The following C8orf34 variants were observed in gnomAD, a reference collection of about 807,000 sequenced individuals.
The protein encoded by C8orf34 is chromosome 8 open reading frame 34, also known as uncharacterized protein C8orf34.
A neutral mutation model predicts 68.3 loss-of-function variants in C8orf34; 65 were observed. The ratio of observed to expected loss-of-function variants is 0.95; its 90% CI spans 0.78 to 1.17. The LOEUF is 1.17. C8orf34 is among the 50% of genes most tolerant of loss of function. The pLI is 0.00. For synonymous variants in C8orf34, 244 were observed against 241.2 expected, an observed-to-expected ratio of 1.01 and a Z score of -0.11; for missense variants, 664 against 655.4, an observed-to-expected ratio of 1.01 and a Z score of -0.14.
At chr8:68,670,293 G>GC (rs1291247705) in intron 8 of C8orf34, among the ~76,000 whole-genome samples, 1 of 152,138 alleles carries the variant, frequency 6.6e-6, no homozygotes, top group Non-Finnish European at 1.5e-5. Context: ...TGCAGGGAAG[G>GC]ACTCCCTCTG....
intron 7 of C8orf34, 190 bp downstream of exon 7, chr8:68,533,339 A>G (rs1337121525): frequency 3.7e-6 from 5 of 1,337,184 alleles, no homozygotes; most frequent in Non-Finnish European, 3.8e-6. Flanking sequence ...CCCTAAGCAT[A>G]TGAATATTTA....
intron 1 of C8orf34, among the ~76,000 whole-genome samples, chr8:68,391,190 G>T (rs1808465726): frequency 6.6e-6 from 1 of 152,012 alleles, no homozygotes; most frequent in Admixed American, 6.6e-5. Flanking sequence ...ATGCTCACAT[G>T]GATTCTTTCA....
intron 13 of C8orf34, among the ~76,000 whole-genome samples, chr8:68,817,503 A>G (rs145192839): frequency 1.6e-4 from 25 of 152,296 alleles, no homozygotes; most frequent in African/African-American, 5.5e-4. Flanking sequence ...TGCCACACAC[A>G]AAGCATTACT....
At chr8:68,394,690 A>AT (rs1808618442) in intron 1 of C8orf34, among the ~76,000 whole-genome samples, 1 of 152,122 alleles carries the variant, frequency 6.6e-6, no homozygotes, top group African/African-American at 2.4e-5. Flanking sequence ...TATGGTTTAT[A>AT]ATAAGCACAT....
At chr8:68,545,217 C>T (rs888237806) in intron 7 of C8orf34, among the ~76,000 whole-genome samples, 9 of 152,098 alleles carry the variant, frequency 5.9e-5, no homozygotes, top group African/African-American at 2.2e-4. Context: ...GTGAATAAGT[C>T]TCATGAGAGC....
At chr8:68,661,693 A>G (rs564403071) in intron 8 of C8orf34, among the ~76,000 whole-genome samples, 1 of 152,230 alleles carries the variant, frequency 6.6e-6, no homozygotes, top group South Asian at 2.1e-4. Flanking sequence ...GGCTCATGTG[A>G]GCCCTTAGTC....
chr8:68,337,044 G>A (rs1197413722), intron 1 of C8orf34, among the ~76,000 whole-genome samples: 1 of 152,176 alleles, frequency 6.6e-6, no homozygotes, highest in East Asian at 1.9e-4. Flanking sequence ...AATAAAAGTA[G>A]AAGGATGATG....
At position 68,739,522 on chromosome 8, in the gene C8orf34, A is replaced by C. The variant is rs117372284; in HGVS notation, c.1404+18085A>C. Among the ~76,000 whole-genome samples, 271 of 152,258 alleles carry C rather than the reference A, an allele frequency of 1.8e-3. 7 individuals are homozygous for C. In the East Asian group the frequency reaches 0.043, roughly 24 times the overall value. On this transcript the variant is annotated intron_variant, in intron 10 of 13. Coordinates refer to ENST00000518698, the MANE Select transcript of C8orf34 (RefSeq NM_052958.4). ...AAAAAAAAATAAAATACCTAAGAATACAGCTAACTAGGGAGGTGAAAGATC... is the reference window on the plus strand; with the variant it reads ...AAAAAAAAATAAAATACCTAAGAATCCAGCTAACTAGGGAGGTGAAAGATC...
chr8:68,610,823 T>G (rs1312155203), intron 7 of C8orf34, among the ~76,000 whole-genome samples: 1 of 151,654 alleles, frequency 6.6e-6, no homozygotes, highest in Non-Finnish European at 1.5e-5. Flanking sequence ...GAAAAAAAAT[T>G]GGATTAATTC....
In C8orf34 at chr8:68,640,361, T is replaced by C; in HGVS notation, c.1106-15T>C. 1 of 1,608,886 alleles carries C rather than the reference T, an allele frequency of 6.2e-7. No homozygotes were observed. On this transcript the variant is annotated splice_polypyrimidine_tract_variant and intron_variant, in intron 7 of 13. Coordinates refer to ENST00000518698, the MANE Select transcript of C8orf34 (RefSeq NM_052958.4). ...GAGTTAATTTTTTTCTCTGTAATTG[T>C]TTGTGTTGTTACAGAGGATCTTAAT...
At chr8:68,350,715 T>TG (rs1164357713) in intron 1 of C8orf34, among the ~76,000 whole-genome samples, 1 of 152,136 alleles carries the variant, frequency 6.6e-6, no homozygotes, top group East Asian at 1.9e-4. Flanking sequence ...TGATGTTTGT[T>TG]GGTTTGAAAT....
At chr8:68,474,211 G>A (rs1812503061) in intron 4 of C8orf34, among the ~76,000 whole-genome samples, 1 of 152,070 alleles carries the variant, frequency 6.6e-6, no homozygotes, top group African/African-American at 2.4e-5. Context: ...CTATCCCAAT[G>A]CCATGTTAAA....
intron 1 of C8orf34, among the ~76,000 whole-genome samples, chr8:68,413,393 T>C (rs1215934910): frequency 6.6e-6 from 1 of 152,240 alleles, no homozygotes; most frequent in Non-Finnish European, 1.5e-5. Flanking sequence ...GCTTGAGTTA[T>C]ATAATGTGAG....
intron 10 of C8orf34, among the ~76,000 whole-genome samples, chr8:68,749,111 A>C (rs1822613302): frequency 6.6e-6 from 1 of 151,762 alleles, no homozygotes; most frequent in African/African-American, 2.4e-5. Context: ...ATTGGAAATC[A>C]TCATTCTCAG....
At chr8:68,810,404 G>C (rs1008607795) in intron 12 of C8orf34, among the ~76,000 whole-genome samples, 1 of 151,962 alleles carries the variant, frequency 6.6e-6, no homozygotes, top group African/African-American at 2.4e-5. Flanking sequence ...TAATCTTGGA[G>C]ATGCCAGGAA....
intron 4 of C8orf34, among the ~76,000 whole-genome samples, chr8:68,475,148 C>T (rs1430990558): frequency 6.6e-6 from 1 of 152,206 alleles, no homozygotes; most frequent in Non-Finnish European, 1.5e-5. Flanking sequence ...TGAAGTCTCA[C>T]CATCAGCTCC....
chr8:68,817,894 C>T (rs1323535198), intron 13 of C8orf34, among the ~76,000 whole-genome samples: 1 of 152,100 alleles, frequency 6.6e-6, no homozygotes, highest in Non-Finnish European at 1.5e-5. Flanking sequence ...TCTTGTGAGA[C>T]CTCACTATCC....
intron 12 of C8orf34, among the ~76,000 whole-genome samples, chr8:68,803,451 T>G (rs1406655989): frequency 6.6e-6 from 1 of 152,144 alleles, no homozygotes; most frequent in African/African-American, 2.4e-5. Flanking sequence ...CATCTAATCA[T>G]GACAAAAAAT....
At chr8:68,648,927 A>G (rs16934829) in intron 8 of C8orf34, among the ~76,000 whole-genome samples, 1,599 of 152,326 alleles carry the variant, frequency 0.01, 30 homozygotes, top group African/African-American at 0.036. Flanking sequence ...TATCAATGTG[A>G]ACTCATTTCA....
Sources: allele counts gnomAD v4.1 joint callset (sites outside exome capture counted in the v4.1 genomes callset), GRCh38; gene constraint gnomAD v4.1.1; transcripts MANE v1.5; gene names NCBI Gene and HGNC (gene_info 2026-07-23, HGNC 2026-07-21).